ST6GALNAC5: variants seen among roughly 807,000 people sequenced by gnomAD.
ST6GALNAC5 encodes the protein ST6 N-acetylgalactosaminide alpha-2,6-sialyltransferase 5.
ST6GALNAC5 carries 27 observed loss-of-function variants against 33.6 expected under a neutral mutation model. The ratio of observed to expected loss-of-function variants is 0.80; its 90% confidence interval spans 0.59 to 1.11. The LOEUF is 1.11. Among genes scored for constraint, ST6GALNAC5 ranks in the 50% least tolerant of loss-of-function variants. The pLI, the probability that ST6GALNAC5 is intolerant of heterozygous loss-of-function variation, is 0.00. For synonymous variants in ST6GALNAC5, 194 were observed against 171.2 expected, an observed-to-expected ratio of 1.13 and a Z score of -1.04; for missense variants, 428 against 454.0, an observed-to-expected ratio of 0.94 and a Z score of 0.52.
chr1:76,965,840 C>A (rs1246940843), intron 2 of ST6GALNAC5, among the ~76,000 whole-genome samples: 1 of 152,182 alleles, frequency 6.6e-6, no homozygotes, highest in African/African-American at 2.4e-5. Flanking sequence ...AGCTAGTTTT[C>A]CCAGCACCAT....
At chr1:76,978,379 A>G (rs1249256571) in intron 2 of ST6GALNAC5, among the ~76,000 whole-genome samples, 1 of 152,084 alleles carries the variant, frequency 6.6e-6, no homozygotes, top group Non-Finnish European at 1.5e-5. Context: ...GAAATACTCG[A>G]CAAAATACTA....
chr1:76,995,077 T>C (rs1191351526), intron 2 of ST6GALNAC5, among the ~76,000 whole-genome samples: 3 of 152,152 alleles, frequency 2.0e-5, no homozygotes, highest in Non-Finnish European at 4.4e-5. Context: ...GTAGTCAGAT[T>C]GCATTTAGGT....
At chr1:76,873,448 C>G (rs1653555743) in intron 2 of ST6GALNAC5, among the ~76,000 whole-genome samples, 1 of 152,156 alleles carries the variant, frequency 6.6e-6, no homozygotes, top group Non-Finnish European at 1.5e-5. Context: ...AGTTTAACCC[C>G]AGGACCTACA....
intron 2 of ST6GALNAC5, among the ~76,000 whole-genome samples, chr1:76,919,140 C>T (rs1647005682): frequency 6.6e-6 from 1 of 152,026 alleles, no homozygotes; most frequent in Non-Finnish European, 1.5e-5. Context: ...TTGAGTGATC[C>T]CTCTGAAGAA....
At chr1:77,042,793 A>AT (rs1012705078) in intron 2 of ST6GALNAC5, among the ~76,000 whole-genome samples, 4 of 151,766 alleles carry the variant, frequency 2.6e-5, no homozygotes, top group African/African-American at 9.7e-5. Context: ...ATCTATCTTA[A>AT]TTTTTTTTTA....
At chr1:76,949,514 C>G (rs1647661760) in intron 2 of ST6GALNAC5, among the ~76,000 whole-genome samples, 1 of 152,122 alleles carries the variant, frequency 6.6e-6, no homozygotes, top group Admixed American at 6.5e-5. Context: ...TTGGAGGTGT[C>G]CTTTTGGCCT....
intron 2 of ST6GALNAC5, among the ~76,000 whole-genome samples, chr1:76,869,854 T>C (rs1438494424): frequency 6.6e-6 from 1 of 152,134 alleles, no homozygotes; most frequent in Non-Finnish European, 1.5e-5. Context: ...CAATATACCA[T>C]GAAATGTGTG....
intron 4 of ST6GALNAC5, among the ~76,000 whole-genome samples, chr1:77,051,744 T>C (rs1652225772): frequency 6.6e-6 from 1 of 152,146 alleles, no homozygotes; most frequent in Non-Finnish European, 1.5e-5. Context: ...TAGAATGGCC[T>C]AAAAAGGCAA....
At chr1:76,964,456 T>G (rs978123396) in intron 2 of ST6GALNAC5, among the ~76,000 whole-genome samples, 4 of 152,128 alleles carry the variant, frequency 2.6e-5, no homozygotes, top group African/African-American at 9.6e-5. Flanking sequence ...TCACACTACT[T>G]TCTCTCTCAT....
chr1:77,027,524 A>G (rs949790719), intron 2 of ST6GALNAC5, among the ~76,000 whole-genome samples: 3 of 152,200 alleles, frequency 2.0e-5, no homozygotes, highest in Admixed American at 2.0e-4. Context: ...AATTCAGGGC[A>G]GAGATGGTGG....
chr1:76,994,430 A>G (rs921659673), intron 2 of ST6GALNAC5, among the ~76,000 whole-genome samples: 10 of 152,226 alleles, frequency 6.6e-5, no homozygotes, highest in African/African-American at 2.4e-4. Flanking sequence ...ATTCGAAATG[A>G]CATAGCCTGG....
Position 76,868,813 on chromosome 1 carries a change from C to T in ST6GALNAC5, c.261+71C>T. ...CCGCACACCTGAGCCTTCCCCCTTT[C>T]CCGGGGCTGGGAGGCGCTGTGAGTA... On this transcript the variant is annotated intron_variant, in intron 2 of 4. Transcript: ENST00000477717. The surrounding 1 kb of genome is among the most constrained non-coding windows in gnomAD (Gnocchi z 4.3). 3.5e-6 allele frequency: 5 copies of T among 1,430,922 alleles called. No homozygotes were observed. Among genetic ancestry groups the T allele is most frequent in the Non-Finnish European group, 4.6e-6 (5 of 1,098,504 alleles). 88.6% of individuals were successfully genotyped at this position (1,430,922 alleles called of 1,614,324 possible). A position where few individuals can be genotyped will look rare whatever the true frequency, so the allele number is the denominator to read the frequency against.
At chr1:76,891,537 C>A (rs1255980177) in intron 2 of ST6GALNAC5, among the ~76,000 whole-genome samples, 3 of 152,020 alleles carry the variant, frequency 2.0e-5, no homozygotes, top group Non-Finnish European at 4.4e-5. Context: ...TGTGGGCTGT[C>A]TTTTCACTTT....
chr1:77,026,836 T>TGAATGAAA (rs1313482021), intron 2 of ST6GALNAC5, among the ~76,000 whole-genome samples: 7 of 144,504 alleles, frequency 4.8e-5, no homozygotes, highest in Non-Finnish European at 1.1e-4. Context: ...AATGAATGAA[T>TGAATGAAA]GAAAATGTGT....
chr1:77,041,072 G>A (rs1425818465), intron 2 of ST6GALNAC5, among the ~76,000 whole-genome samples: 6 of 152,224 alleles, frequency 3.9e-5, no homozygotes, highest in Non-Finnish European at 1.5e-5. Flanking sequence ...GTTCAGCTGA[G>A]ACTATTTTGG....
chr1:77,005,593 T>A (rs1650377521), intron 2 of ST6GALNAC5, among the ~76,000 whole-genome samples: 1 of 152,240 alleles, frequency 6.6e-6, no homozygotes, highest in Admixed American at 6.5e-5. Flanking sequence ...AGTGTACAAT[T>A]CAGTGGCATT....
intron 2 of ST6GALNAC5, among the ~76,000 whole-genome samples, chr1:77,031,727 A>C (rs1651462856): frequency 6.6e-6 from 1 of 152,212 alleles, no homozygotes; most frequent in Non-Finnish European, 1.5e-5. Context: ...ATCACTCTGG[A>C]ATGGTTCTCA....
At chr1:77,038,976 T>G (rs914674089) in intron 2 of ST6GALNAC5, among the ~76,000 whole-genome samples, 1 of 152,208 alleles carries the variant, frequency 6.6e-6, no homozygotes, top group Non-Finnish European at 1.5e-5. Flanking sequence ...AAATTGCAGA[T>G]AGTATCTTAG....
At chr1:76,917,488 C>G (rs1477776681) in intron 2 of ST6GALNAC5, among the ~76,000 whole-genome samples, 1 of 151,992 alleles carries the variant, frequency 6.6e-6, no homozygotes, top group African/African-American at 2.4e-5. Context: ...GAACTCCCAA[C>G]TTACACACAA....
Sources: allele counts gnomAD v4.1 joint callset (sites outside exome capture counted in the v4.1 genomes callset), GRCh38; gene constraint gnomAD v4.1.1; non-coding constraint Gnocchi (gnomAD v3.1); transcripts MANE v1.5; gene names NCBI Gene and HGNC (gene_info 2026-07-23, HGNC 2026-07-21).